Variants in ELP4 observed in about 807,000 individuals in gnomAD.
ELP4 encodes the protein elongator complex protein 4.
ELP4 carries 51 observed loss-of-function variants against 48.9 expected under a neutral mutation model. The observed-to-expected ratio is 1.04, with a 90% CI of 0.83 to 1.32. The LOEUF (loss-of-function observed/expected upper bound fraction) is 1.32. Ranked by LOEUF, ELP4 falls within the 40% of genes most tolerant of loss-of-function variation. The probability of loss-of-function intolerance (pLI) is 0.00; values close to 1 mark genes in which losing one functional copy is unlikely to be tolerated. For missense variants in ELP4, 519 were observed against 514.6 expected (o/e 1.01, Z -0.08); for synonymous variants, 210 against 189.2 (o/e 1.11, Z -0.90).
rs755557738 is a variant in ELP4, at chr11:31,677,093, T to C, written c.1143+26872T>C. ...CAATTAGTAGAAAAGGTTTGTAATA[T>C]AGTCTAATTGGCAATCATTGTCAAA... On this transcript the variant is annotated intron_variant, in intron 9 of 9. Transcript: ENST00000640961. Among the ~76,000 whole-genome samples the C allele has an allele frequency of 2.1e-4, 32 of 152,226 alleles. 1 individual carries two copies. The highest frequency in any genetic ancestry group is 5.9e-4 in the Admixed American group (9 of 15,282).
At chr11:31,665,691 G>GTCAC (rs1179378502) in intron 9 of ELP4, among the ~76,000 whole-genome samples, 1 of 97,380 alleles carries the variant, frequency 1.0e-5, no homozygotes, top group Non-Finnish European at 1.9e-5. Context: ...GAGATTCTGT[G>GTCAC]TCACCCAGGC....
chr11:31,555,664 A>G (rs1194215488), intron 3 of ELP4, among the ~76,000 whole-genome samples: 1 of 151,888 alleles, frequency 6.6e-6, no homozygotes, highest in Non-Finnish European at 1.5e-5. Context: ...TGAAAATTTA[A>G]TTATATTCTT....
At chr11:31,672,732 T>G (rs1402919169) in intron 9 of ELP4, among the ~76,000 whole-genome samples, 1 of 152,114 alleles carries the variant, frequency 6.6e-6, no homozygotes, top group African/African-American at 2.4e-5. Flanking sequence ...AAGGCTATGG[T>G]GAGCCATGAT....
intron 5 of ELP4, among the ~76,000 whole-genome samples, chr11:31,616,966 C>T (rs1313881746): frequency 6.6e-6 from 1 of 151,962 alleles, no homozygotes; most frequent in Non-Finnish European, 1.5e-5. Flanking sequence ...GAAATTGGAA[C>T]CCTTGTGCAC....
At chr11:31,719,887 A>T (rs1402792236) in intron 9 of ELP4, 1 of 164,564 alleles carries the variant, frequency 6.1e-6, no homozygotes, top group East Asian at 1.7e-4. Flanking sequence ...TACTTGTACA[A>T]CCTAAGTGAT....
At chr11:31,545,576 G>A (rs1356118624) in intron 3 of ELP4, among the ~76,000 whole-genome samples, 1 of 152,140 alleles carries the variant, frequency 6.6e-6, no homozygotes, top group Non-Finnish European at 1.5e-5. Context: ...TATTATCCTG[G>A]AGAACTTCCC....
chr11:31,544,780 G>A (rs918863962), intron 3 of ELP4, among the ~76,000 whole-genome samples: 4 of 152,124 alleles, frequency 2.6e-5, no homozygotes, highest in African/African-American at 2.4e-5. Flanking sequence ...CACCTCACAC[G>A]GCCGGGTACT....
chr11:31,637,908 A>G (rs1426762267), intron 7 of ELP4, among the ~76,000 whole-genome samples: 1 of 151,928 alleles, frequency 6.6e-6, no homozygotes, highest in Non-Finnish European at 1.5e-5. Flanking sequence ...TGATTTTATT[A>G]GTGAGGTGAA....
chr11:31,671,713 T>G (rs1452668007), intron 9 of ELP4, among the ~76,000 whole-genome samples: 1 of 152,160 alleles, frequency 6.6e-6, no homozygotes, highest in Non-Finnish European at 1.5e-5. Flanking sequence ...CCAAAACATG[T>G]ATCCTCACAA....
intron 9 of ELP4, among the ~76,000 whole-genome samples, chr11:31,678,081 T>C (rs1945970266): frequency 6.6e-6 from 1 of 152,190 alleles, no homozygotes; most frequent in South Asian, 2.1e-4. Flanking sequence ...CAATAAACAA[T>C]TTTGCCTTTT....
At chr11:31,534,980 C>G (rs1185087437) in intron 2 of ELP4, among the ~76,000 whole-genome samples, 1 of 152,170 alleles carries the variant, frequency 6.6e-6, no homozygotes, top group Non-Finnish European at 1.5e-5. Flanking sequence ...CTGATCATCT[C>G]TCCCATAGTT....
intron 9 of ELP4, among the ~76,000 whole-genome samples, chr11:31,655,045 A>G (rs1443444906): frequency 2.0e-5 from 3 of 152,042 alleles, no homozygotes; most frequent in South Asian, 2.1e-4. Flanking sequence ...ATAGGCATCT[A>G]TTCATTTAGA....
chr11:31,546,892 A>C (rs1447105739), intron 3 of ELP4, among the ~76,000 whole-genome samples: 1 of 152,242 alleles, frequency 6.6e-6, no homozygotes, highest in Non-Finnish European at 1.5e-5. Context: ...ACTACTGGGT[A>C]CATAACAAAA....
intron 9 of ELP4, among the ~76,000 whole-genome samples, chr11:31,739,615 C>T (rs891948255): frequency 1.3e-5 from 2 of 152,054 alleles, no homozygotes; most frequent in Admixed American, 1.3e-4. Context: ...TACAGAATCT[C>T]ATGTTAAGAT....
chr11:31,610,724 A>G (rs1469619284), intron 5 of ELP4, among the ~76,000 whole-genome samples: 1 of 152,132 alleles, frequency 6.6e-6, no homozygotes, highest in African/African-American at 2.4e-5. Context: ...CTGTCCTTTA[A>G]AGGCCATCAG....
rs1948774770 is a variant in ELP4, at chr11:31,787,848, T to G, written c.*4324T>G. 4.5e-6 allele frequency: 1 copy of G among 224,542 alleles called. No individual in the cohort carries two copies. The highest frequency in any genetic ancestry group is 1.3e-3 in the Middle Eastern group (1 of 756). The allele number at this position is 224,542 out of a possible 1,614,324, so 13.9% of individuals were successfully genotyped here. The stretch of plus-strand genomic sequence containing the variant: ...AAACAGTAGATATTGAACGAGAAGG[T>G]CATGTTTAAATCCTTCCATTAATTT... On this transcript the variant is annotated 3_prime_UTR_variant, in exon 10 of 10. Coordinates refer to ENST00000640961, the MANE Select transcript of ELP4 (RefSeq NM_019040.5).
chr11:31,708,270 A>G (rs1209241792), intron 9 of ELP4, among the ~76,000 whole-genome samples: 1 of 152,084 alleles, frequency 6.6e-6, no homozygotes, highest in Non-Finnish European at 1.5e-5. Flanking sequence ...TCAAGCCACA[A>G]CAAAGCCATC....
chr11:31,775,444 G>A (rs888845909), intron 9 of ELP4, among the ~76,000 whole-genome samples: 3 of 152,140 alleles, frequency 2.0e-5, no homozygotes, highest in South Asian at 2.1e-4. Context: ...CAACACAGTC[G>A]ACCCTTGGGG....
At chr11:31,759,354 TA>T (rs1451434562) in intron 9 of ELP4, among the ~76,000 whole-genome samples, 1 of 152,222 alleles carries the variant, frequency 6.6e-6, no homozygotes, top group Non-Finnish European at 1.5e-5. Flanking sequence ...ATCCACTGCT[TA>T]AAAATAATTG....
Sources: gnomAD v4.1 joint callset for allele counts (sites outside exome capture counted in the v4.1 genomes callset) on GRCh38, gnomAD v4.1.1 for gene constraint, MANE v1.5 for transcripts, NCBI Gene and HGNC (gene_info 2026-07-23, HGNC 2026-07-21) for gene names.